Variants in KIF1A observed in about 807,000 individuals in gnomAD.
The protein encoded by KIF1A is kinesin-like protein KIF1A.
KIF1A carries 46 observed loss-of-function variants against 227.3 expected under a neutral mutation model. The ratio of observed to expected loss-of-function variants is 0.20; its 90% CI spans 0.16 to 0.26. The LOEUF (loss-of-function observed/expected upper bound fraction) is 0.26, where lower values mean the gene tolerates loss of function less well. Among genes scored for constraint, KIF1A ranks in the 10% least tolerant of loss-of-function variants. KIF1A has a pLI of 1.00. For synonymous variants in KIF1A, 1,022 were observed against 1,012.8 expected (o/e 1.01, Z -0.17); for missense variants, 1,683 against 2,485.9 (o/e 0.68, Z 6.87).
chr2:240,727,204 A>C (rs1265794134), intron 38 of KIF1A, among the ~76,000 whole-genome samples: 3 of 152,078 alleles, frequency 2.0e-5, no homozygotes, highest in African/African-American at 7.3e-5. Flanking sequence ...CCCAGCTGTC[A>C]CGCTGAGGCT....
chr2:240,785,103 G>A lies in KIF1A; in HGVS notation c.609-3C>T, dbSNP rs2054554619. On this transcript the variant is annotated splice_polypyrimidine_tract_variant and splice_region_variant and intron_variant, in intron 6 of 48. Transcript: ENST00000498729. ...TCATGTTGGTGGCCGCCACGGTCCTGAGGAGCAGAAAGCCACGCACGGTTA... is the reference window on the plus strand; with the variant it reads ...TCATGTTGGTGGCCGCCACGGTCCTAAGGAGCAGAAAGCCACGCACGGTTA... 6.2e-7 allele frequency: 1 copy of A among 1,611,460 alleles called. No individual in the cohort carries two copies.
At chr2:240,777,328 G>C (rs1359584802) in intron 10 of KIF1A, among the ~76,000 whole-genome samples, 1 of 152,200 alleles carries the variant, frequency 6.6e-6, no homozygotes, top group East Asian at 1.9e-4. Context: ...ACAGGCGTGA[G>C]CCACCGCGCC....
intron 37 of KIF1A, chr2:240,737,390 G>A (rs550822409): frequency 4.8e-5 from 23 of 480,034 alleles, no homozygotes; most frequent in Middle Eastern, 5.9e-4. Context: ...TCTGTCTCTC[G>A]GCCACAGTGA....
chr2:240,720,549 G>C (rs778939840), intron 45 of KIF1A: 1 of 180,070 alleles, frequency 5.6e-6, no homozygotes, highest in African/African-American at 2.4e-5. Context: ...ACCTGCAGGG[G>C]CCAGGTGTCC....
Position 240,792,025 on chromosome 2 carries a change from C to T in KIF1A, c.107-2713G>A, listed in dbSNP as rs1451496035. Among the ~76,000 whole-genome samples the T allele has an allele frequency of 3.3e-5, 5 of 152,108 alleles. No individual in the cohort carries two copies. The highest frequency in any genetic ancestry group is 1.2e-4 in the African/African-American group (5 of 41,514). ...GAGCCCCACCCCACCCTGGCCCTGC[C>T]ACCCCTCCCACACCCTGTGCTGTGG... On this transcript the variant is annotated intron_variant, in intron 2 of 48. Transcript: ENST00000498729. This position sits in a 1 kb window ranked among gnomAD's most constrained non-coding sequence, Gnocchi z 4.5.
At chr2:240,755,960 G>A (rs551647438) in intron 27 of KIF1A, among the ~76,000 whole-genome samples, 8 of 152,204 alleles carry the variant, frequency 5.3e-5, no homozygotes, top group African/African-American at 1.7e-4. Flanking sequence ...CAGGCCCAGA[G>A]CATCTCGGAG....
intron 1 of KIF1A, among the ~76,000 whole-genome samples, chr2:240,814,756 G>A (rs533233317): frequency 1.6e-3 from 246 of 152,212 alleles, no homozygotes; most frequent in African/African-American, 5.2e-3. Flanking sequence ...GCAAAACCCC[G>A]TCTACAAAAA....
rs969686973 is a variant in KIF1A, at chr2:240,740,493, T to C, written c.3750-129A>G. 5.2e-6 allele frequency: 4 copies of C among 763,936 alleles called. No individual in the cohort carries two copies. Among genetic ancestry groups the C allele is most frequent in the Non-Finnish European group, 8.9e-6 (4 of 447,098 alleles). 47.3% of individuals were successfully genotyped at this position (763,936 alleles called of 1,614,324 possible). On this transcript the variant is annotated intron_variant, in intron 35 of 48. Coordinates refer to ENST00000498729, the MANE Select transcript of KIF1A (RefSeq NM_001244008.2). This position sits in a 1 kb window ranked among gnomAD's most constrained non-coding sequence, Gnocchi z 6.1. ...GCTCCCTCTGGTGAAGATCAGGTGGTCTGATCCATGGAGACCACGGTCAGC... is the reference window on the plus strand; with the variant it reads ...GCTCCCTCTGGTGAAGATCAGGTGGCCTGATCCATGGAGACCACGGTCAGC...
At chr2:240,742,889 G>GAGCT in intron 34 of KIF1A, 40 bp downstream of exon 34, 2 of 1,547,318 alleles carry the variant, frequency 1.3e-6, no homozygotes, top group Non-Finnish European at 1.8e-6. Context: ...ACAGTGAGGG[G>GAGCT]AGCTCACTGC....
intron 1 of KIF1A, among the ~76,000 whole-genome samples, chr2:240,807,759 A>T (rs1311037590): frequency 6.6e-6 from 1 of 152,250 alleles, no homozygotes; most frequent in Admixed American, 6.5e-5. Flanking sequence ...ACTGATGAAC[A>T]TAGGTACAAA....
chr2:240,750,333 C>G, intron 28 of KIF1A, 96 bp downstream of exon 28: 1 of 831,838 alleles, frequency 1.2e-6, no homozygotes, highest in Non-Finnish European at 1.9e-6. Context: ...CTACATGATG[C>G]CAGAAGGCCC....
chr2:240,736,941 G>A lies in KIF1A; in HGVS notation c.4007+122C>T. On this transcript the variant is annotated intron_variant, in intron 38 of 48. Transcript: ENST00000498729. The surrounding 1 kb of genome is among the most constrained non-coding windows in gnomAD (Gnocchi z 4.7). ...GCACAGCTCCTGCAGGTGCCAGGAG[G>A]GAGGGCCGGGAGAGCGTTGAGCGGG... 1.3e-6 allele frequency: 1 copy of A among 785,334 alleles called. No individual in the cohort carries two copies. The highest frequency in any genetic ancestry group is 2.2e-6 in the Non-Finnish European group (1 of 457,170). The allele number at this position is 785,334 out of a possible 1,614,324, so 48.6% of individuals were successfully genotyped here. A position where few individuals can be genotyped will look rare whatever the true frequency, so the allele number is the denominator to read the frequency against.
chr2:240,720,024 C>T (rs988418242), intron 45 of KIF1A, 98 bp from the exon 46 acceptor site: 21 of 1,272,424 alleles, frequency 1.7e-5, no homozygotes, highest in Middle Eastern at 2.9e-4. Flanking sequence ...TCAGAAGGTG[C>T]AGTAGGGCAC....
chr2:240,786,741 T>TCA (rs1559529850), intron 5 of KIF1A, among the ~76,000 whole-genome samples: 9 of 21,024 alleles, frequency 4.3e-4, no homozygotes, highest in African/African-American at 1.2e-3. Flanking sequence ...GGCTGCCTGC[T>TCA]GGGCCCCTGA....
At position 240,820,095 on chromosome 2, in the gene KIF1A, G is replaced by A. The variant is rs182407535; in HGVS notation, c.-61+27C>T. On this transcript the variant is annotated intron_variant, in intron 1 of 48. Coordinates refer to ENST00000498729, the MANE Select transcript of KIF1A (RefSeq NM_001244008.2). The surrounding 1 kb of genome is among the most constrained non-coding windows in gnomAD (Gnocchi z 6.2). Reference sequence around the variant, plus strand: ...GGTGCGGGGCGAGGGGCGCGGGCGCGGGAGGCCGGGCGGGCGGCGGCCTTA... The same window carrying A: ...GGTGCGGGGCGAGGGGCGCGGGCGCAGGAGGCCGGGCGGGCGGCGGCCTTA... 0.031 allele frequency: 4,700 copies of A among 150,836 alleles called. 149 individuals carry two copies. Among genetic ancestry groups the A allele is most frequent in the East Asian group, 0.14 (697 of 5,124 alleles). 9.3% of individuals were successfully genotyped at this position (150,836 alleles called of 1,614,324 possible). A position where few individuals can be genotyped will look rare whatever the true frequency, so the allele number is the denominator to read the frequency against.
In KIF1A at chr2:240,778,459, A is replaced by C; in HGVS notation, c.883-2533T>G. On this transcript the variant is annotated intron_variant, in intron 10 of 48. Transcript: ENST00000498729. This position sits in a 1 kb window ranked among gnomAD's most constrained non-coding sequence, Gnocchi z 7.2. ...GGCTCCCCACGGGAGGCCTCACACG[A>C]TCCTCCATTTCTCAGAGCTCTCAGC... Among the ~76,000 whole-genome samples, 2 of 136,472 alleles carry C rather than the reference A, an allele frequency of 1.5e-5. No individual in the cohort carries two copies. Among genetic ancestry groups the C allele is most frequent in the African/African-American group, 5.8e-5 (2 of 34,690 alleles). The allele number at this position is 136,472 out of a possible 152,430, so 89.5% of individuals were successfully genotyped here. A position where few individuals can be genotyped will look rare whatever the true frequency, so the allele number is the denominator to read the frequency against.
chr2:240,725,557 A>G lies in KIF1A; in HGVS notation c.4123-153T>C. The G allele has an allele frequency of 1.3e-6, 1 of 758,044 alleles. No homozygotes were observed. Among genetic ancestry groups the G allele is most frequent in the Non-Finnish European group, 2.1e-6 (1 of 481,734 alleles). The allele number at this position is 758,044 out of a possible 1,614,324, so 47.0% of individuals were successfully genotyped here. On this transcript the variant is annotated intron_variant, in intron 39 of 48. Transcript: ENST00000498729. This position sits in a 1 kb window ranked among gnomAD's most constrained non-coding sequence, Gnocchi z 5.8. ...GTGTGGCCTGGACGCAGGCAGGAGA[A>G]AGTCTCTGCTCCTGCCCTCGAGAAA...
chr2:240,796,942 C>T (rs777995510), intron 2 of KIF1A, among the ~76,000 whole-genome samples: 10 of 151,622 alleles, frequency 6.6e-5, no homozygotes, highest in Non-Finnish European at 1.5e-4. Context: ...GAGGGCATGT[C>T]GGATGGGTGC....
Position 240,761,220 on chromosome 2 carries a change from G to A in KIF1A, c.2265+9C>T. On this transcript the variant is annotated intron_variant, in intron 24 of 48. Coordinates refer to ENST00000498729, the MANE Select transcript of KIF1A (RefSeq NM_001244008.2). ...CAACAGGAAACGGTACAGCCAGTGG[G>A]CAGCCCACCTTCTTTTTCAGCTCCA... The A allele has an allele frequency of 1.2e-6, 2 of 1,609,488 alleles. No homozygotes were observed. The highest frequency in any genetic ancestry group is 1.1e-5 in the South Asian group (1 of 90,574).
Sources: allele counts gnomAD v4.1 joint callset (sites outside exome capture counted in the v4.1 genomes callset), GRCh38; gene constraint gnomAD v4.1.1; non-coding constraint Gnocchi (gnomAD v3.1); transcripts MANE v1.5; gene names NCBI Gene and HGNC (gene_info 2026-07-23, HGNC 2026-07-21).